SPECC1L: variants seen among roughly 807,000 people sequenced by gnomAD.
SPECC1L encodes the protein sperm antigen with calponin homology and coiled-coil domains 1 like.
A neutral mutation model predicts 116.8 loss-of-function variants in SPECC1L; 40 were observed. That is an observed-to-expected ratio of 0.34 (90% CI 0.27 to 0.45). SPECC1L has a LOEUF of 0.45. SPECC1L is among the 20% of genes least tolerant of loss of function. SPECC1L has a pLI of 1.00. For missense variants in SPECC1L, 1,110 were observed against 1,373.6 expected (o/e 0.81, Z 3.03); for synonymous variants, 504 against 500.6 (o/e 1.01, Z -0.09).
intron 14 of SPECC1L, among the ~76,000 whole-genome samples, chr22:24,378,688 G>A (rs2042012536): frequency 6.6e-6 from 1 of 152,150 alleles, no homozygotes; most frequent in Admixed American, 6.5e-5. Context: ...CCCAAGGAGA[G>A]GGAGAGAGAC....
At chr22:24,370,854 A>G (rs975498051) in intron 14 of SPECC1L, among the ~76,000 whole-genome samples, 6 of 152,110 alleles carry the variant, frequency 3.9e-5, no homozygotes, top group African/African-American at 1.2e-4. Flanking sequence ...TTCTAATTAT[A>G]TGGAATACCT....
At chr22:24,412,457 G>T in intron 15 of SPECC1L, 191 bp from the exon 16 acceptor site, 1 of 661,710 alleles carries the variant, frequency 1.5e-6, no homozygotes, top group South Asian at 1.7e-5. Flanking sequence ...GTCAGGAGGG[G>T]AGGGTGGCCG....
chr22:24,398,860 C>T (rs905719878), intron 14 of SPECC1L, among the ~76,000 whole-genome samples: 2 of 152,252 alleles, frequency 1.3e-5, no homozygotes, highest in Non-Finnish European at 2.9e-5. Flanking sequence ...CTTCCTCCCT[C>T]ACCCAGTCCC....
chr22:24,280,834 T>C (rs1282724531), intron 2 of SPECC1L, among the ~76,000 whole-genome samples: 1 of 152,136 alleles, frequency 6.6e-6, no homozygotes, highest in Non-Finnish European at 1.5e-5. Flanking sequence ...CTCTCCACCC[T>C]ACTCGGCCAC....
intron 1 of SPECC1L, among the ~76,000 whole-genome samples, chr22:24,271,955 C>G (rs987511158): frequency 6.6e-6 from 1 of 152,200 alleles, no homozygotes; most frequent in Non-Finnish European, 1.5e-5. Context: ...TAGGACACAT[C>G]TTGAGATGAA....
At chr22:24,300,894 T>G (rs2049363806) in intron 2 of SPECC1L, among the ~76,000 whole-genome samples, 1 of 152,190 alleles carries the variant, frequency 6.6e-6, no homozygotes, top group Non-Finnish European at 1.5e-5. Context: ...TAAATGGTAC[T>G]GGGAAAACTG....
At chr22:24,371,759 T>C (rs2041875020) in intron 14 of SPECC1L, among the ~76,000 whole-genome samples, 1 of 152,204 alleles carries the variant, frequency 6.6e-6, no homozygotes, top group African/African-American at 2.4e-5. Flanking sequence ...TCTCATTCTG[T>C]CACCCAGGCT....
Position 24,330,169 on chromosome 22 carries a change from G to A in SPECC1L, c.2221-87G>A, listed in dbSNP as rs923853906. 13 of 1,359,948 alleles carry A rather than the reference G, an allele frequency of 9.6e-6. No individual in the cohort carries two copies. The African/African-American group carries it at 1.6e-4, about 17-fold the overall frequency. 84.2% of individuals were successfully genotyped at this position (1,359,948 alleles called of 1,614,324 possible). ...CATTTGGAAGCATTAGTGCATTATAGCAATCCAATCATAAACAAATTTTAT... is the reference window on the plus strand; with the variant it reads ...CATTTGGAAGCATTAGTGCATTATAACAATCCAATCATAAACAAATTTTAT... On this transcript the variant is annotated intron_variant, in intron 7 of 16. Transcript: ENST00000314328.
rs1211621233 is a variant in SPECC1L at position 24,276,772 on chromosome 22, C to T, written c.-69C>T. On this transcript the variant is annotated 5_prime_UTR_variant, in exon 2 of 17. Transcript: ENST00000314328. ...TCCATCATGAGTTCCTGAGGCAGTC[C>T]GATGGGGCTACTTTATTCCAGAACA... 2.2e-5 allele frequency: 10 copies of T among 453,664 alleles called. No homozygotes were observed. The highest frequency in any genetic ancestry group is 7.1e-5 in the Admixed American group (3 of 42,488). The allele number at this position is 453,664 out of a possible 1,614,324, so 28.1% of individuals were successfully genotyped here. A position where few individuals can be genotyped will look rare whatever the true frequency, so the allele number is the denominator to read the frequency against.
chr22:24,399,672 A>G (rs1423164800), intron 14 of SPECC1L, among the ~76,000 whole-genome samples: 1 of 152,206 alleles, frequency 6.6e-6, no homozygotes, highest in African/African-American at 2.4e-5. Flanking sequence ...TCTGAGAAGT[A>G]TGCTTGCTAC....
chr22:24,381,754 G>A (rs2042066361), intron 14 of SPECC1L, among the ~76,000 whole-genome samples: 1 of 152,076 alleles, frequency 6.6e-6, no homozygotes, highest in Non-Finnish European at 1.5e-5. Context: ...CGTGGTGGCA[G>A]GCGCCTGTAG....
chr22:24,277,430 G>A (rs569296231), intron 2 of SPECC1L, among the ~76,000 whole-genome samples: 323 of 152,194 alleles, frequency 2.1e-3, no homozygotes, highest in Non-Finnish European at 3.3e-3. Flanking sequence ...CCTTTCATGT[G>A]GTTTTTGGTA....
In SPECC1L at chr22:24,330,336, C is replaced by T. The variant is rs200911412; in HGVS notation, c.2301C>T (p.Ala767=). ...TTGCAAATGACATTAAATCTGAAGC[C>T]CAAGAGGAGATTGGTGATCTAAAGC... ...VVIANDIKSE[A]QEEIGDLKRR... The change falls in exon 8 of 17, where the codon GCC becomes GCT. Residue 767 remains alanine, a synonymous_variant. Coordinates refer to ENST00000314328, the MANE Select transcript of SPECC1L (RefSeq NM_015330.6). 8 of 1,613,844 alleles carry T rather than the reference C, an allele frequency of 5.0e-6. No homozygotes were observed. The highest frequency in any genetic ancestry group is 6.8e-6 in the Non-Finnish European group (8 of 1,180,020).
intron 10 of SPECC1L, 102 bp downstream of exon 10, chr22:24,338,579 T>A: frequency 1.0e-6 from 1 of 960,626 alleles, no homozygotes; most frequent in Non-Finnish European, 1.7e-6. Context: ...GGTAAATGAC[T>A]ACCTCAGCAG....
In SPECC1L at chr22:24,313,359, C is replaced by T. The variant is rs780166586; in HGVS notation, c.200C>T (p.Thr67Met). 41 of 1,613,918 alleles carry T rather than the reference C, an allele frequency of 2.5e-5. No homozygotes were observed. Among genetic ancestry groups the T allele is most frequent in the South Asian group, 1.3e-4 (12 of 91,074 alleles). Reference protein sequence around the residue: ...DLLAGMAGGVTVTNGVKGKKS... With the variant: ...DLLAGMAGGVMVTNGVKGKKS... ...TTAGCTGGAATGGCCGGAGGGGTAA[C>T]GGTGACTAATGGTGTTAAAGGAAAG... Residue 67 changes from threonine (T) to methionine (M), a missense_variant, in exon 4 of 17, where the codon ACG (threonine) becomes ATG (methionine). Transcript: ENST00000314328.
intron 14 of SPECC1L, among the ~76,000 whole-genome samples, chr22:24,375,117 A>G (rs1440338964): frequency 6.6e-6 from 1 of 152,196 alleles, no homozygotes; most frequent in Admixed American, 6.5e-5. Flanking sequence ...TTAACTATCA[A>G]AATGGACTCA....
At chr22:24,357,839 A>T (rs2146603436) in intron 11 of SPECC1L, among the ~76,000 whole-genome samples, 1 of 152,304 alleles carries the variant, frequency 6.6e-6, no homozygotes, top group African/African-American at 2.4e-5. Flanking sequence ...ATTTCATCTC[A>T]GACAGAGAGC....
intron 16 of SPECC1L, among the ~76,000 whole-genome samples, chr22:24,413,970 C>A (rs903995172): frequency 6.6e-6 from 1 of 151,900 alleles, no homozygotes; most frequent in Non-Finnish European, 1.5e-5. Flanking sequence ...CTGTGAGACA[C>A]TGGAGTGAGG....
chr22:24,391,932 C>T (rs1057208057), intron 14 of SPECC1L, among the ~76,000 whole-genome samples: 2 of 152,224 alleles, frequency 1.3e-5, no homozygotes, highest in East Asian at 3.8e-4. Context: ...ATAATTGTCT[C>T]AGGATGCATT....
Sources: allele counts gnomAD v4.1 joint callset (sites outside exome capture counted in the v4.1 genomes callset), GRCh38; gene constraint gnomAD v4.1.1; transcripts MANE v1.5; gene names NCBI Gene and HGNC (gene_info 2026-07-23, HGNC 2026-07-21).